TYW1: variants seen among roughly 807,000 people sequenced by gnomAD.
TYW1 encodes the protein S-adenosyl-L-methionine-dependent tRNA 4-demethylwyosine synthase TYW1.
Under a neutral mutation model 96.2 loss-of-function variants are expected in TYW1, and 46 were observed. The observed-to-expected ratio is 0.48, with a 90% confidence interval of 0.38 to 0.61. The LOEUF is 0.61. Ranked by LOEUF, TYW1 falls within the 20% of genes least tolerant of loss-of-function variation. The pLI, the probability that TYW1 is intolerant of heterozygous loss-of-function variation, is 0.00. For synonymous variants in TYW1, 274 were observed against 323.0 expected (o/e 0.85, Z 1.63); for missense variants, 684 against 909.6 (o/e 0.75, Z 3.19).
rs574054221 is a variant in TYW1, at chr7:67,046,026, A to G, written c.985-3923A>G. Among the ~76,000 whole-genome samples the G allele has an allele frequency of 8.5e-5, 13 of 152,274 alleles. No homozygotes were observed. In the South Asian group the frequency reaches 2.7e-3, roughly 32 times the overall value. ...TCGACTGGCAAGGAGATAGGAAGAA[A>G]CACTCAAATCTGTCTCCCTGAGTTA... On this transcript the variant is annotated intron_variant, in intron 7 of 15. Transcript: ENST00000359626.
In TYW1 at chr7:67,238,435, A is replaced by T. The variant is rs143381064; in HGVS notation, c.2105A>T (p.His702Leu). The change falls in exon 16 of 16, where the codon CAC (histidine) becomes CTC (leucine). Residue 702 changes from histidine (H) to leucine (L), a missense_variant. His to Leu is a moderately conservative substitution (Grantham distance 99). Coordinates refer to ENST00000359626, the MANE Select transcript of TYW1 (RefSeq NM_018264.4). ...AAGGATTATATGGCCAGAACTCCTC[A>T]CTGGGCATTATTTGGTGCCAGTGAA... ...SAKDYMARTP[H>L]WALFGASERG... is the part of the protein sequence containing the mutation. The T allele has an allele frequency of 1.2e-4, 192 of 1,613,910 alleles. No individual in the cohort carries two copies. In the African/African-American group the frequency reaches 2.2e-3, roughly 19 times the overall value.
rs3980713 is a variant in TYW1 at position 67,063,499 on chromosome 7, G to A, written c.1156-3786G>A. ...AAAGCTGTCTTGTTTTGCAGGTGAC[G>A]TGATTGTTATGTAGAAAATCTCAAG... On this transcript the variant is annotated intron_variant, in intron 9 of 15. Transcript: ENST00000359626. Among the ~76,000 whole-genome samples the A allele has an allele frequency of 2.2e-3, 318 of 146,494 alleles. 2 individuals are homozygous for A. The highest frequency in any genetic ancestry group is 7.0e-3 in the African/African-American group (281 of 40,056).
At chr7:67,112,377 A>T (rs1200704438) in intron 12 of TYW1, among the ~76,000 whole-genome samples, 2 of 152,116 alleles carry the variant, frequency 1.3e-5, no homozygotes, top group Non-Finnish European at 2.9e-5. Flanking sequence ...GTACTTTCGG[A>T]GGCCGAGGCA....
intron 14 of TYW1, among the ~76,000 whole-genome samples, chr7:67,188,550 A>G (rs983497893): frequency 1.3e-5 from 2 of 152,152 alleles, no homozygotes; most frequent in African/African-American, 4.8e-5. Context: ...GAAGTACTCC[A>G]TGGTCCTAGT....
intron 13 of TYW1, among the ~76,000 whole-genome samples, chr7:67,135,927 T>C (rs1027383277): frequency 1.8e-4 from 27 of 152,242 alleles, no homozygotes; most frequent in Non-Finnish European, 3.2e-4. Flanking sequence ...ATAGCTCTAA[T>C]AGCTAACATC....
chr7:67,096,117 T>C (rs965332517), intron 11 of TYW1, among the ~76,000 whole-genome samples: 1 of 152,176 alleles, frequency 6.6e-6, no homozygotes, highest in South Asian at 2.1e-4. Context: ...TGGCTGGGCA[T>C]GGTGGCTCAC....
At chr7:67,104,081 G>A (rs750059586) in intron 12 of TYW1, among the ~76,000 whole-genome samples, 2 of 152,044 alleles carry the variant, frequency 1.3e-5, no homozygotes, top group Non-Finnish European at 2.9e-5. Context: ...TATCTTTTCA[G>A]GGGAATCTAG....
At chr7:67,085,413 T>C (rs1157301272) in intron 11 of TYW1, among the ~76,000 whole-genome samples, 1 of 152,220 alleles carries the variant, frequency 6.6e-6, no homozygotes, top group Non-Finnish European at 1.5e-5. Context: ...CCCTTTGCTC[T>C]GCACTTCTCC....
chr7:67,199,798 G>C (rs1800529289), intron 15 of TYW1, among the ~76,000 whole-genome samples: 1 of 151,968 alleles, frequency 6.6e-6, no homozygotes. Context: ...ATTCAAAATT[G>C]ATACTAATAG....
At position 67,055,730 on chromosome 7, in the gene TYW1, A is replaced by C. The variant is rs531944089; in HGVS notation, c.1103-105A>C. ...TCCTGCCATGGGTTGGTTGACTGCA[A>C]TAATTTAGCAAAAAAAAAAAAAAAT... On this transcript the variant is annotated intron_variant, in intron 8 of 15. Coordinates refer to ENST00000359626, the MANE Select transcript of TYW1 (RefSeq NM_018264.4). 3.8e-6 allele frequency: 3 copies of C among 792,516 alleles called. No homozygotes were observed. In the African/African-American group the frequency reaches 5.6e-5, roughly 15 times the overall value. The allele number at this position is 792,516 out of a possible 1,614,324, so 49.1% of individuals were successfully genotyped here.
At chr7:67,128,764 C>T (rs1250971695) in intron 13 of TYW1, among the ~76,000 whole-genome samples, 4 of 150,622 alleles carry the variant, frequency 2.7e-5, no homozygotes, top group Non-Finnish European at 2.9e-5. Flanking sequence ...TCTTGGCTCA[C>T]TGCAACTTCT....
At position 67,239,361 on chromosome 7, in the gene TYW1, G is replaced by A. The variant is rs182665320; in HGVS notation, c.*832G>A. The A allele has an allele frequency of 7.0e-5, 69 of 985,284 alleles. No homozygotes were observed. The East Asian group carries it at 6.9e-3, about 99-fold the overall frequency. The allele number at this position is 985,284 out of a possible 1,614,324, so 61.0% of individuals were successfully genotyped here. On this transcript the variant is annotated 3_prime_UTR_variant, in exon 16 of 16. Transcript: ENST00000359626. Reference sequence around the variant, plus strand: ...CGGGTCTCCATCTTCTTTCACTCCTGTGGCCCTGGCTGCTTTACACAATCT... The same window carrying A: ...CGGGTCTCCATCTTCTTTCACTCCTATGGCCCTGGCTGCTTTACACAATCT...
chr7:67,032,017 C>T (rs560028111), intron 7 of TYW1, among the ~76,000 whole-genome samples: 10 of 151,996 alleles, frequency 6.6e-5, no homozygotes, highest in African/African-American at 2.4e-4. Flanking sequence ...TGCCACAAGC[C>T]TTTTAGACTT....
intron 6 of TYW1, among the ~76,000 whole-genome samples, chr7:67,018,955 CAAAAA>C (rs776221914): frequency 2.0e-5 from 1 of 49,104 alleles, no homozygotes. Flanking sequence ...GACTCAGTCT[CAAAAA>C]AAAAAAAAAA....
At chr7:67,077,884 C>T (rs976795791) in intron 10 of TYW1, among the ~76,000 whole-genome samples, 5 of 152,100 alleles carry the variant, frequency 3.3e-5, no homozygotes, top group African/African-American at 9.7e-5. Flanking sequence ...TCAGGTCTTA[C>T]GTTTATGTCG....
rs376143448 is a variant in TYW1 at position 66,997,009 on chromosome 7, C to G, written c.4+27C>G. 8 of 1,613,792 alleles carry G rather than the reference C, an allele frequency of 5.0e-6. No homozygotes were observed. In the African/African-American group the frequency reaches 1.1e-4, roughly 22 times the overall value. On this transcript the variant is annotated intron_variant, in intron 1 of 15. Coordinates refer to ENST00000359626, the MANE Select transcript of TYW1 (RefSeq NM_018264.4). The stretch of plus-strand genomic sequence containing the variant: ...TAAGGGCACTCGGCGGGCAAGGACC[C>G]TGGGGCGGCAGGGGAGGTAAACGTT...
intron 14 of TYW1, among the ~76,000 whole-genome samples, chr7:67,189,372 A>G (rs1319457066): frequency 6.7e-6 from 1 of 150,080 alleles, no homozygotes; most frequent in Non-Finnish European, 1.5e-5. Context: ...GTATGTGTGC[A>G]TGTATGTGTG....
rs1331446110 is a variant in TYW1 at position 67,083,450 on chromosome 7, G to A, written c.1295G>A (p.Gly432Asp). 2.5e-6 allele frequency: 4 copies of A among 1,614,154 alleles called. No homozygotes were observed. The highest frequency in any genetic ancestry group is 3.4e-6 in the Non-Finnish European group (4 of 1,180,022). The change falls in exon 11 of 16, where the codon GGC (glycine) becomes GAC (aspartate). Residue 432 changes from glycine to aspartate, a missense_variant. By Grantham distance (94) the Gly-to-Asp change is moderately conservative. Transcript: ENST00000359626. ...FCWRHHTNPVGTEWRWKMDQP... is the reference protein window; with the variant it reads ...FCWRHHTNPVDTEWRWKMDQP... ...CCTAGGCACCACACCAACCCCGTGG[G>A]CACTGAGTGGCGGTGGAAGATGGAC...
At chr7:67,132,668 C>T (rs1167064584) in intron 13 of TYW1, among the ~76,000 whole-genome samples, 1 of 136,556 alleles carries the variant, frequency 7.3e-6, no homozygotes, top group Non-Finnish European at 1.6e-5. Flanking sequence ...TTAATCTCCC[C>T]ATTCTTTCCC....
Sources: gnomAD v4.1 joint callset for allele counts (sites outside exome capture counted in the v4.1 genomes callset) on GRCh38, gnomAD v4.1.1 for gene constraint, MANE v1.5 for transcripts, NCBI Gene and HGNC (gene_info 2026-07-23, HGNC 2026-07-21) for gene names.